Variants in SGMS1 observed in about 807,000 individuals in gnomAD.
SGMS1 encodes phosphatidylcholine:ceramide cholinephosphotransferase 1.
A neutral mutation model predicts 46.2 loss-of-function variants in SGMS1; 13 were observed. The ratio of observed to expected loss-of-function variants is 0.28; its 90% CI spans 0.18 to 0.45. The LOEUF (loss-of-function observed/expected upper bound fraction) is 0.45. Ranked by LOEUF, SGMS1 falls within the 20% of genes least tolerant of loss-of-function variation. The pLI, the probability that SGMS1 is intolerant of heterozygous loss-of-function variation, is 1.00. For synonymous variants in SGMS1, 203 were observed against 187.8 expected, an observed-to-expected ratio of 1.08 and a Z score of -0.66; for missense variants, 324 against 519.9, an observed-to-expected ratio of 0.62 and a Z score of 3.66.
At chr10:50,624,941 C>A, upstream of SGMS1, 2 of 1,018,840 alleles carry the variant, frequency 2.0e-6, no homozygotes, top group Non-Finnish European at 1.2e-6. Context: ...CCGCGGCGCT[C>A]CGGGCAGCCA....
intron 2 of SGMS1, among the ~76,000 whole-genome samples, chr10:50,584,550 T>C (rs901023497): frequency 6.6e-6 from 1 of 151,940 alleles, no homozygotes; most frequent in African/African-American, 2.4e-5. Flanking sequence ...TTATTAATTT[T>C]GGCAACAAAA....
At chr10:50,483,193 C>T (rs559368537) in intron 3 of SGMS1, among the ~76,000 whole-genome samples, 32 of 152,290 alleles carry the variant, frequency 2.1e-4, no homozygotes, top group African/African-American at 7.5e-4. Context: ...GATTCTCCTG[C>T]CTCAGCCTCC....
At chr10:50,372,695 A>AAAAAAC (rs112585628) in intron 6 of SGMS1, among the ~76,000 whole-genome samples, 6 of 150,826 alleles carry the variant, frequency 4.0e-5, no homozygotes, top group African/African-American at 1.2e-4. Context: ...TCTGTCTCAA[A>AAAAAAC]AAAAAACAAA....
At chr10:50,496,236 T>C (rs905199167) in intron 3 of SGMS1, among the ~76,000 whole-genome samples, 1 of 152,224 alleles carries the variant, frequency 6.6e-6, no homozygotes, top group Non-Finnish European at 1.5e-5. Context: ...AAATAATTCT[T>C]TAATGGCTCT....
intron 1 of SGMS1, among the ~76,000 whole-genome samples, chr10:50,597,399 T>C (rs150166661): frequency 1.3e-5 from 2 of 152,314 alleles, no homozygotes; most frequent in African/African-American, 4.8e-5. Flanking sequence ...TGAATACATA[T>C]GCAAACCATG....
intron 6 of SGMS1, among the ~76,000 whole-genome samples, chr10:50,365,087 A>G (rs1456225710): frequency 6.6e-6 from 1 of 151,984 alleles, no homozygotes; most frequent in Admixed American, 6.6e-5. Context: ...AACATGGCGA[A>G]ACCCCATTTC....
chr10:50,400,860 G>A (rs1848928623), intron 6 of SGMS1, among the ~76,000 whole-genome samples: 1 of 152,166 alleles, frequency 6.6e-6, no homozygotes, highest in African/African-American at 2.4e-5. Context: ...CAATACTGAT[G>A]TAACCAATTT....
chr10:50,482,210 A>T (rs1387865222), intron 3 of SGMS1, among the ~76,000 whole-genome samples: 2 of 152,216 alleles, frequency 1.3e-5, no homozygotes, highest in Non-Finnish European at 2.9e-5. Flanking sequence ...ACCCCAAGAC[A>T]CATAATCATC....
At chr10:50,547,672 C>T (rs573388969) in intron 2 of SGMS1, among the ~76,000 whole-genome samples, 141 of 152,176 alleles carry the variant, frequency 9.3e-4, no homozygotes, top group Admixed American at 4.1e-3. Context: ...AAAGGAGGGA[C>T]GCCTCCCTAA....
intron 3 of SGMS1, among the ~76,000 whole-genome samples, chr10:50,492,607 G>A (rs1373224719): frequency 6.6e-6 from 1 of 152,122 alleles, no homozygotes. Flanking sequence ...GGAGGTGAAA[G>A]ACCTCTACAA....
chr10:50,388,803 C>G (rs1848722905), intron 6 of SGMS1, among the ~76,000 whole-genome samples: 1 of 152,012 alleles, frequency 6.6e-6, no homozygotes, highest in Non-Finnish European at 1.5e-5. Context: ...AAACAAAACA[C>G]CTGATTATTA....
At chr10:50,510,223 G>C (rs1837741899) in intron 3 of SGMS1, among the ~76,000 whole-genome samples, 2 of 152,122 alleles carry the variant, frequency 1.3e-5, no homozygotes, top group African/African-American at 4.8e-5. Context: ...TAGTTGTGTT[G>C]TTCTTTCTTA....
intron 2 of SGMS1, among the ~76,000 whole-genome samples, chr10:50,549,132 G>T (rs545199585): frequency 6.6e-6 from 1 of 152,328 alleles, no homozygotes; most frequent in Admixed American, 6.5e-5. Context: ...GGAAGACAGT[G>T]TGGTGATTCC....
chr10:50,350,637 A>C (rs1437626405), intron 6 of SGMS1, among the ~76,000 whole-genome samples: 4 of 152,200 alleles, frequency 2.6e-5, no homozygotes. Context: ...AGTGGCTGAA[A>C]GGGGCCAAAA....
At chr10:50,407,619 C>A (rs1459872297) in intron 6 of SGMS1, among the ~76,000 whole-genome samples, 2 of 151,976 alleles carry the variant, frequency 1.3e-5, no homozygotes, top group Non-Finnish European at 2.9e-5. Context: ...TACCGCATTC[C>A]CCCCGCCGTA....
chr10:50,355,180 C>T (rs560378479), intron 6 of SGMS1, among the ~76,000 whole-genome samples: 124 of 152,334 alleles, frequency 8.1e-4, no homozygotes, highest in African/African-American at 3.0e-3. Flanking sequence ...ATAGCAAAGA[C>T]TTGGAACCAA....
At chr10:50,623,625 A>T in intron 1 of SGMS1, 82 bp downstream of exon 1, 1 of 985,246 alleles carries the variant, frequency 1.0e-6, no homozygotes, top group Non-Finnish European at 1.2e-6. Context: ...GCTCCCCGGC[A>T]TAAGGCCGGG....
At chr10:50,327,402 A>C (rs1462012183) in intron 7 of SGMS1, 80 bp from the exon 8 acceptor site, 4 of 850,488 alleles carry the variant, frequency 4.7e-6, no homozygotes, top group Non-Finnish European at 7.8e-6. Flanking sequence ...CAATGACTCA[A>C]TAAAAACAAA....
intron 6 of SGMS1, among the ~76,000 whole-genome samples, chr10:50,401,025 T>G (rs558602333): frequency 2.6e-5 from 4 of 152,324 alleles, no homozygotes; most frequent in Admixed American, 6.5e-5. Context: ...TAAACACTTA[T>G]GCCTAGTAAT....
Sources: gnomAD v4.1 joint callset for allele counts (sites outside exome capture counted in the v4.1 genomes callset) on GRCh38, gnomAD v4.1.1 for gene constraint, MANE v1.5 for transcripts, NCBI Gene and HGNC (gene_info 2026-07-23, HGNC 2026-07-21) for gene names.